TRNP1: variants seen among roughly 807,000 people sequenced by gnomAD.
TRNP1 encodes TMF1 regulated nuclear protein 1.
TRNP1 carries 16 observed loss-of-function variants against 12.2 expected under a neutral mutation model. The ratio of observed to expected loss-of-function variants is 1.31; its 90% CI spans 0.89 to 1.99. The LOEUF (loss-of-function observed/expected upper bound fraction) is 1.99, where lower values mean the gene tolerates loss of function less well. Among genes scored for constraint, TRNP1 ranks in the 30% most tolerant of loss-of-function variants. The probability of loss-of-function intolerance (pLI) is 0.00; values close to 1 mark genes in which losing one functional copy is unlikely to be tolerated. For missense variants in TRNP1, 338 were observed against 330.4 expected (o/e 1.02, Z -0.18); for synonymous variants, 139 against 166.2 (o/e 0.84, Z 1.26).
chr1:26,998,076 G>A (rs771025561), intron 1 of TRNP1, among the ~76,000 whole-genome samples: 5 of 152,174 alleles, frequency 3.3e-5, no homozygotes, highest in Admixed American at 2.0e-4. Context: ...CCCTAGGGGC[G>A]GGAACCCTCT....
intron 1 of TRNP1, among the ~76,000 whole-genome samples, chr1:26,998,220 GA>G (rs201371181): frequency 6.7e-6 from 1 of 149,612 alleles, no homozygotes; most frequent in African/African-American, 2.4e-5. Flanking sequence ...CGCCTCTACT[GA>G]AAAAAAAAGG....
Position 26,993,938 on chromosome 1 carries a change from C to G in TRNP1, c.152C>G (p.Ser51Cys). ...TLTPTPTPGQ[S>C]PPLPDAAGAS... ...ACTCCTACCCCGACCCCGGGTCAGT[C>G]CCCGCCGCTGCCGGACGCAGCTGGG... Residue 51 changes from serine (S) to cysteine (C), a missense_variant, in exon 1 of 2, where the codon TCC becomes TGC. Physicochemically the swap from Ser to Cys is moderately radical, Grantham distance 112 (BLOSUM62 -1). Coordinates refer to ENST00000522111, the MANE Select transcript of TRNP1 (RefSeq NM_001013642.3). 1 of 1,346,876 alleles carries G rather than the reference C, an allele frequency of 7.4e-7. No homozygotes were observed. The highest frequency in any genetic ancestry group is 9.5e-7 in the Non-Finnish European group (1 of 1,054,258). 83.4% of individuals were successfully genotyped at this position (1,346,876 alleles called of 1,614,324 possible). A position where few individuals can be genotyped will look rare whatever the true frequency, so the allele number is the denominator to read the frequency against.
rs2082531108 is a variant in TRNP1, at chr1:26,993,958, G to C, written c.172G>C (p.Ala58Pro). The change falls in exon 1 of 2, where the codon GCT (alanine) becomes CCT (proline). Residue 58 changes from alanine (A) to proline (P), a missense_variant. Coordinates refer to ENST00000522111, the MANE Select transcript of TRNP1 (RefSeq NM_001013642.3). ...PGQSPPLPDA[A>P]GASAGAAEDQ... is the part of the protein sequence containing the mutation. Reference sequence around the variant, plus strand: ...TCAGTCCCCGCCGCTGCCGGACGCAGCTGGGGCTTCAGCAGGCGCGGCCGA... The same window carrying C: ...TCAGTCCCCGCCGCTGCCGGACGCACCTGGGGCTTCAGCAGGCGCGGCCGA... 7.5e-7 allele frequency: 1 copy of C among 1,334,530 alleles called. No homozygotes were observed. 82.7% of individuals were successfully genotyped at this position (1,334,530 alleles called of 1,614,324 possible).
rs2082534771 is a variant in TRNP1 at position 26,994,413 on chromosome 1, G to A, written c.627G>A (p.Glu209=). 1.7e-6 allele frequency: 2 copies of A among 1,157,472 alleles called. No homozygotes were observed. Among genetic ancestry groups the A allele is most frequent in the Middle Eastern group, 3.6e-4 (1 of 2,794 alleles). The allele number at this position is 1,157,472 out of a possible 1,614,324, so 71.7% of individuals were successfully genotyped here. The change falls in exon 1 of 2, where the codon GAG becomes GAA. Residue 209 remains glutamate (E), a synonymous_variant. Transcript: ENST00000522111. The surrounding 1 kb of genome is among the most constrained non-coding windows in gnomAD (Gnocchi z 6.9). ...AGRLRRGHGP[E]PDSPFRRSPP... is the part of the protein sequence containing the mutation. ...GACTGCGGCGCGGCCACGGCCCCGA[G>A]CCCGACTCGCCCTTCCGCCGCAGCC... is the stretch of plus-strand genomic sequence containing the variant.
Position 26,994,459 on chromosome 1 carries a change from C to G in TRNP1, c.673C>G (p.Pro225Ala). Residue 225 changes from proline (P) to alanine (A), a missense_variant, in exon 1 of 2, where the codon CCG becomes GCG. Coordinates refer to ENST00000522111, the MANE Select transcript of TRNP1 (RefSeq NM_001013642.3). The surrounding 1 kb of genome is among the most constrained non-coding windows in gnomAD (Gnocchi z 6.9). The stretch of plus-strand genomic sequence containing the variant: ...CAGCCCGCCCCGCGGCCCCGCCTCC[C>G]CGCAGCGCTGACCTCCACGCCCGGA... The part of the protein sequence containing the change: ...RRSPPRGPAS[P>A]QR 1 of 1,178,518 alleles carries G rather than the reference C, an allele frequency of 8.5e-7. No individual in the cohort carries two copies. The highest frequency in any genetic ancestry group is 1.0e-6 in the Non-Finnish European group (1 of 953,324). 73.0% of individuals were successfully genotyped at this position (1,178,518 alleles called of 1,614,324 possible). A position where few individuals can be genotyped will look rare whatever the true frequency, so the allele number is the denominator to read the frequency against.
In TRNP1 at chr1:26,994,148, C is replaced by A; in HGVS notation, c.362C>A (p.Ser121Ter). 7.9e-7 allele frequency: 1 copy of A among 1,260,292 alleles called. No homozygotes were observed. The allele number at this position is 1,260,292 out of a possible 1,614,324, so 78.1% of individuals were successfully genotyped here. The change falls in exon 1 of 2, where the codon TCG becomes TAG. Residue 121 changes from serine (S) to a stop codon, truncating the protein, a stop_gained. Coordinates refer to ENST00000522111, the MANE Select transcript of TRNP1 (RefSeq NM_001013642.3). LOFTEE classifies it high-confidence loss of function. The surrounding 1 kb of genome is among the most constrained non-coding windows in gnomAD (Gnocchi z 6.9). ...GTGGAGGGCCGCCGGCGCCTGGTGT[C>A]GGAGCTGGAGAGCCGCGTGCTGCAG... ...LEVEGRRRLV[S>*]ELESRVLQLH...
chr1:26,998,657 AG>A (rs1399028658), intron 1 of TRNP1, among the ~76,000 whole-genome samples: 1 of 152,194 alleles, frequency 6.6e-6, no homozygotes. Context: ...CACCCTGGCC[AG>A]GGGCGATGGG....
intron 1 of TRNP1, among the ~76,000 whole-genome samples, chr1:26,999,541 TCA>T (rs909974482): frequency 1.2e-4 from 19 of 152,160 alleles, no homozygotes; most frequent in South Asian, 4.1e-4. Flanking sequence ...CTCTAGAGCA[TCA>T]CCATATCAGG....
chr1:26,997,985 C>T (rs1371054666), intron 1 of TRNP1, among the ~76,000 whole-genome samples: 1 of 152,140 alleles, frequency 6.6e-6, no homozygotes. Flanking sequence ...GTCAGCGCAG[C>T]CCTAGAGTGG....
chr1:26,999,280 A>G (rs2082560830), intron 1 of TRNP1, among the ~76,000 whole-genome samples: 1 of 152,186 alleles, frequency 6.6e-6, no homozygotes, highest in Non-Finnish European at 1.5e-5. Context: ...GCTACTCCGA[A>G]GGCTGAGACA....
chr1:26,996,644 G>T (rs2082546699), intron 1 of TRNP1, among the ~76,000 whole-genome samples: 1 of 152,162 alleles, frequency 6.6e-6, no homozygotes, highest in Non-Finnish European at 1.5e-5. Context: ...CATGGGAGGG[G>T]GCACTTGGTC....
chr1:26,997,788 G>C (rs760129171), intron 1 of TRNP1, among the ~76,000 whole-genome samples: 1 of 152,178 alleles, frequency 6.6e-6, no homozygotes. Context: ...CCCCTCAACT[G>C]GATAACCATG....
In TRNP1 at chr1:26,994,691, C is replaced by T. The variant is rs1183876345; in HGVS notation, c.*142+79C>T. On this transcript the variant is annotated intron_variant, in intron 1 of 1. Coordinates refer to ENST00000522111, the MANE Select transcript of TRNP1 (RefSeq NM_001013642.3). This position sits in a 1 kb window ranked among gnomAD's most constrained non-coding sequence, Gnocchi z 6.9. Reference sequence around the variant, plus strand: ...TGGTCCAGGGCCCGGGAACTCCCTTCCCTGGAGCTTCTGGCGTCTGCTGGG... The same window carrying T: ...TGGTCCAGGGCCCGGGAACTCCCTTTCCTGGAGCTTCTGGCGTCTGCTGGG... The T allele has an allele frequency of 1.4e-5, 3 of 214,476 alleles. No individual in the cohort carries two copies. The highest frequency in any genetic ancestry group is 1.0e-4 in the East Asian group (1 of 9,918). The allele number at this position is 214,476 out of a possible 1,614,324, so 13.3% of individuals were successfully genotyped here.
Position 26,994,642 on chromosome 1 carries a change from G to C in TRNP1, c.*142+30G>C. ...GGTCTTAGCGGCTGGTGCGTTCGAG[G>C]GTCGGTCATGGCGTGTGGGGGGCTG... On this transcript the variant is annotated intron_variant, in intron 1 of 1. Transcript: ENST00000522111. This position sits in a 1 kb window ranked among gnomAD's most constrained non-coding sequence, Gnocchi z 6.9. 2.8e-6 allele frequency: 1 copy of C among 353,998 alleles called. No individual in the cohort carries two copies. Among genetic ancestry groups the C allele is most frequent in the Non-Finnish European group, 4.2e-6 (1 of 236,250 alleles). 21.9% of individuals were successfully genotyped at this position (353,998 alleles called of 1,614,324 possible).
At chr1:26,997,511 G>A (rs1047409061) in intron 1 of TRNP1, among the ~76,000 whole-genome samples, 1 of 151,996 alleles carries the variant, frequency 6.6e-6, no homozygotes, top group Non-Finnish European at 1.5e-5. Context: ...TGGGGGCTGA[G>A]CAGTTTGTTG....
At chr1:26,995,553 A>T (rs540481136) in intron 1 of TRNP1, among the ~76,000 whole-genome samples, 4 of 152,360 alleles carry the variant, frequency 2.6e-5, no homozygotes, top group Admixed American at 1.3e-4. Flanking sequence ...TTAACCTCCC[A>T]GAGGGGCTGT....
intron 1 of TRNP1, among the ~76,000 whole-genome samples, chr1:26,996,738 G>A (rs2124194015): frequency 6.6e-6 from 1 of 152,182 alleles, no homozygotes; most frequent in African/African-American, 2.4e-5. Flanking sequence ...TAATCAGCTT[G>A]TCCCGATTTG....
rs1557698010 is a variant in TRNP1, at chr1:26,993,864, CT to C, written c.79del (p.Trp27GlyfsTer16). ...CAGAGCAGAGGTCGCCGCCGCCGCC[CT>C]GGGATCCCATGCCGTCCTCTCAGCC... ...TAEQRSPPPPWDPMPSSQPPP... is the reference protein window; with the variant it reads ...TAEQRSPPPPXDPMPSSQPPP... On this transcript the variant is annotated frameshift_variant, in exon 1 of 2. Transcript: ENST00000522111. LOFTEE classifies it high-confidence loss of function. The C allele has an allele frequency of 3.0e-6, 4 of 1,347,338 alleles. No homozygotes were observed. Among genetic ancestry groups the C allele is most frequent in the South Asian group, 3.6e-5 (2 of 55,968 alleles). The allele number at this position is 1,347,338 out of a possible 1,614,324, so 83.5% of individuals were successfully genotyped here. A position where few individuals can be genotyped will look rare whatever the true frequency, so the allele number is the denominator to read the frequency against.
At position 27,000,505 on chromosome 1, in the gene TRNP1, G is replaced by T. The variant is rs1377250607; in HGVS notation, c.*801G>T. The T allele has an allele frequency of 2.0e-5, 3 of 152,564 alleles. No homozygotes were observed. In the East Asian group the frequency reaches 5.8e-4, roughly 29 times the overall value. The allele number at this position is 152,564 out of a possible 1,614,324, so 9.5% of individuals were successfully genotyped here. A position where few individuals can be genotyped will look rare whatever the true frequency, so the allele number is the denominator to read the frequency against. ...TAAGCAAAGTTTTAAATGAAAAAAA[G>T]GAAACACATTTAAACATCCTGATAA... is the stretch of plus-strand genomic sequence containing the variant. On this transcript the variant is annotated 3_prime_UTR_variant, in exon 2 of 2. Transcript: ENST00000522111.
Sources: gnomAD v4.1 joint callset for allele counts (sites outside exome capture counted in the v4.1 genomes callset) on GRCh38, gnomAD v4.1.1 for gene constraint, Gnocchi (gnomAD v3.1) non-coding constraint, MANE v1.5 for transcripts, NCBI Gene and HGNC (gene_info 2026-07-23, HGNC 2026-07-21) for gene names.